Variants in ADAMTS18 observed in about 807,000 individuals in gnomAD.
The protein encoded by ADAMTS18 is ADAM metallopeptidase with thrombospondin type 1 motif 18.
A neutral mutation model predicts 165.9 loss-of-function variants in ADAMTS18; 157 were observed. That is an observed-to-expected ratio of 0.95 (90% confidence interval 0.83 to 1.08). The LOEUF is 1.08. Among genes scored for constraint, ADAMTS18 ranks in the 50% least tolerant of loss-of-function variants. The pLI is 0.00. For synonymous variants in ADAMTS18, 782 were observed against 578.2 expected (o/e 1.35, Z -5.06); for missense variants, 2,040 against 1,534.0 (o/e 1.33, Z -5.51).
Position 77,355,329 on chromosome 16 carries a change from A to T in ADAMTS18, c.1460+611T>A, listed in dbSNP as rs574420794. 1.1e-4 allele frequency among the ~76,000 whole-genome samples: 16 copies of T among 152,216 alleles called. No individual in the cohort carries two copies. In the South Asian group the frequency reaches 3.3e-3, roughly 32 times the overall value. On this transcript the variant is annotated intron_variant, in intron 9 of 22. Coordinates refer to ENST00000282849, the MANE Select transcript of ADAMTS18 (RefSeq NM_199355.4). Reference sequence around the variant, plus strand: ...TGCAACTTAAGGTTTCTGTGTTATTAAAAGCATTTTATATAGCTACCATCT... The same window carrying T: ...TGCAACTTAAGGTTTCTGTGTTATTTAAAGCATTTTATATAGCTACCATCT...
chr16:77,290,698 A>G (rs1414893858), intron 21 of ADAMTS18: 3 of 166,418 alleles, frequency 1.8e-5, no homozygotes, highest in Admixed American at 5.6e-5. Context: ...AATCCTAGCT[A>G]AAGTTTCACC....
At chr16:77,433,654 T>C (rs1400959092) in intron 2 of ADAMTS18, among the ~76,000 whole-genome samples, 1 of 152,214 alleles carries the variant, frequency 6.6e-6, no homozygotes, top group Non-Finnish European at 1.5e-5. Flanking sequence ...GAAAAGGAGA[T>C]AACCTTGCAA....
intron 20 of ADAMTS18, among the ~76,000 whole-genome samples, chr16:77,291,852 G>A (rs572834399): frequency 6.6e-6 from 1 of 152,324 alleles, no homozygotes; most frequent in African/African-American, 2.4e-5. Context: ...TAAGGCCTGA[G>A]GAGTTAGGAA....
chr16:77,343,871 T>C (rs1381119339), intron 10 of ADAMTS18, among the ~76,000 whole-genome samples: 6 of 152,058 alleles, frequency 3.9e-5, no homozygotes, highest in Non-Finnish European at 8.8e-5. Flanking sequence ...AAGATAAAAA[T>C]GTGAAGATGG....
At chr16:77,357,527 A>T (rs1161802711) in intron 8 of ADAMTS18, among the ~76,000 whole-genome samples, 1 of 152,200 alleles carries the variant, frequency 6.6e-6, no homozygotes, top group East Asian at 1.9e-4. Flanking sequence ...AACAGAAAGA[A>T]ACCTATAAAT....
intron 3 of ADAMTS18, among the ~76,000 whole-genome samples, chr16:77,430,341 G>GA (rs567150788): frequency 7.2e-5 from 11 of 152,288 alleles, no homozygotes; most frequent in African/African-American, 2.4e-4. Context: ...ATAATAGGGG[G>GA]AAAAAATTAA....
intron 3 of ADAMTS18, among the ~76,000 whole-genome samples, chr16:77,380,840 G>A (rs1489976354): frequency 6.6e-6 from 1 of 152,022 alleles, no homozygotes; most frequent in East Asian, 1.9e-4. Flanking sequence ...GACTCTCACT[G>A]CAGCTCTATT....
At chr16:77,358,580 G>A (rs2056666176) in intron 8 of ADAMTS18, among the ~76,000 whole-genome samples, 1 of 152,040 alleles carries the variant, frequency 6.6e-6, no homozygotes, top group East Asian at 1.9e-4. Context: ...AAAAAAGATA[G>A]CAGCACCAAC....
At chr16:77,332,214 T>C (rs1597132624) in intron 12 of ADAMTS18, among the ~76,000 whole-genome samples, 1 of 152,230 alleles carries the variant, frequency 6.6e-6, no homozygotes, top group African/African-American at 2.4e-5. Flanking sequence ...CTCTGCACTA[T>C]GCTACCAACT....
intron 2 of ADAMTS18, 54 bp downstream of exon 2, chr16:77,434,364 A>C: frequency 6.5e-7 from 1 of 1,530,860 alleles, no homozygotes; most frequent in Non-Finnish European, 8.8e-7. Context: ...TGGGGGAAGG[A>C]AGGGTCAAAG....
At chr16:77,336,244 C>G (rs976725771) in intron 11 of ADAMTS18, among the ~76,000 whole-genome samples, 7 of 152,108 alleles carry the variant, frequency 4.6e-5, no homozygotes, top group African/African-American at 1.7e-4. Flanking sequence ...TGCCTTGCCA[C>G]TGAGAGACAA....
chr16:77,299,414 T>C (rs1392351170), intron 17 of ADAMTS18, among the ~76,000 whole-genome samples: 1 of 152,226 alleles, frequency 6.6e-6, no homozygotes, highest in Non-Finnish European at 1.5e-5. Context: ...ACTTTGTTAA[T>C]TAGCATGGAC....
chr16:77,367,510 G>A lies in ADAMTS18; in HGVS notation c.709C>T (p.Gln237Ter). Residue 237 changes from glutamine (Q) to a stop codon, truncating the protein, a stop_gained, in exon 4 of 23, where the codon CAG becomes TAG. Coordinates refer to ENST00000282849, the MANE Select transcript of ADAMTS18 (RefSeq NM_199355.4). LOFTEE classifies it high-confidence loss of function. The stretch of plus-strand genomic sequence containing the variant: ...TGGTGATACTCTGTCTCTCGACTCT[G>A]AGATGCATGGGGAATGTGACTTGGG... ...YSPSHIPHAS[Q>*]SRETEYHHRR... is the part of the protein sequence containing the mutation. 1 of 1,614,218 alleles carries A rather than the reference G, an allele frequency of 6.2e-7. No individual in the cohort carries two copies. Among genetic ancestry groups the A allele is most frequent in the South Asian group, 1.1e-5 (1 of 91,076 alleles).
chr16:77,380,531 C>G (rs2057015712), intron 3 of ADAMTS18, among the ~76,000 whole-genome samples: 1 of 152,182 alleles, frequency 6.6e-6, no homozygotes, highest in Non-Finnish European at 1.5e-5. Context: ...CTCTAAGAAA[C>G]TCTTTTTAAG....
At chr16:77,384,072 G>C (rs1163501289) in intron 3 of ADAMTS18, among the ~76,000 whole-genome samples, 1 of 152,062 alleles carries the variant, frequency 6.6e-6, no homozygotes, top group African/African-American at 2.4e-5. Context: ...GGGACTTTGT[G>C]CCTGTTCTGC....
intron 3 of ADAMTS18, among the ~76,000 whole-genome samples, chr16:77,417,548 G>C (rs2057546439): frequency 6.6e-6 from 1 of 152,228 alleles, no homozygotes; most frequent in African/African-American, 2.4e-5. Flanking sequence ...GATTAGGTCA[G>C]CTGGTGAGTC....
At chr16:77,376,773 T>G (rs1415577692) in intron 3 of ADAMTS18, among the ~76,000 whole-genome samples, 1 of 151,518 alleles carries the variant, frequency 6.6e-6, no homozygotes, top group East Asian at 1.9e-4. Context: ...TGTGAACAGG[T>G]GTTTTCTATT....
chr16:77,356,142 G>A (rs936968704), intron 8 of ADAMTS18, 65 bp from the exon 9 acceptor site: 3 of 1,605,892 alleles, frequency 1.9e-6, no homozygotes, highest in South Asian at 2.2e-5. Context: ...GATAATCTGA[G>A]GAAGAATAAA....
intron 3 of ADAMTS18, among the ~76,000 whole-genome samples, chr16:77,394,502 G>C (rs1309795165): frequency 6.6e-6 from 1 of 151,714 alleles, no homozygotes; most frequent in Non-Finnish European, 1.5e-5. Context: ...AGTTTTCAGG[G>C]AAAGCAAAAA....
Sources: allele counts gnomAD v4.1 joint callset (sites outside exome capture counted in the v4.1 genomes callset), GRCh38; gene constraint gnomAD v4.1.1; transcripts MANE v1.5; gene names NCBI Gene and HGNC (gene_info 2026-07-23, HGNC 2026-07-21).